Variants in CLCN3 observed in about 807,000 individuals in gnomAD.
CLCN3 encodes the protein Cl-/H+ antiporter 3.
A neutral mutation model predicts 83.4 loss-of-function variants in CLCN3; 16 were observed. The observed-to-expected ratio is 0.19, with a 90% CI of 0.13 to 0.29. The LOEUF (loss-of-function observed/expected upper bound fraction) is 0.29, where lower values mean the gene tolerates loss of function less well. Ranked by LOEUF, CLCN3 falls within the 10% of genes least tolerant of loss-of-function variation. CLCN3 has a pLI of 1.00. For missense variants in CLCN3, 544 were observed against 1,006.0 expected, an observed-to-expected ratio of 0.54 and a Z score of 6.21; for synonymous variants, 322 against 346.2, an observed-to-expected ratio of 0.93 and a Z score of 0.78.
In CLCN3 at chr4:169,704,031, A is replaced by G. The variant is rs768722953; in HGVS notation, c.1597A>G (p.Ile533Val). Reference protein sequence around the residue: ...PSGLFIPSMAIGAIAGRIVGI... With the variant: ...PSGLFIPSMAVGAIAGRIVGI... Reference sequence around the variant, plus strand: ...AGGCTTGTTCATCCCCAGCATGGCCATTGGAGCGATCGCAGGAAGGATTGT... The same window carrying G: ...AGGCTTGTTCATCCCCAGCATGGCCGTTGGAGCGATCGCAGGAAGGATTGT... Residue 533 changes from isoleucine (I) to valine (V), a missense_variant, in exon 10 of 13, where the codon ATT (isoleucine) becomes GTT (valine). By Grantham distance (29) the Ile-to-Val change is conservative (BLOSUM62 3). Transcript: ENST00000513761. 4 of 1,613,902 alleles carry G rather than the reference A, an allele frequency of 2.5e-6. No homozygotes were observed. Among genetic ancestry groups the G allele is most frequent in the Non-Finnish European group, 3.4e-6 (4 of 1,179,884 alleles).
intron 1 of CLCN3, among the ~76,000 whole-genome samples, chr4:169,625,620 T>C (rs1773215272): frequency 6.6e-6 from 1 of 152,180 alleles, no homozygotes. Flanking sequence ...AACACGCTGG[T>C]CTTGAGTTCT....
At chr4:169,676,650 ATTTTT>A (rs557077180) in intron 2 of CLCN3, among the ~76,000 whole-genome samples, 2 of 128,250 alleles carry the variant, frequency 1.6e-5, no homozygotes, top group African/African-American at 3.0e-5. Flanking sequence ...CATGCCCAGC[ATTTTT>A]TTTTTTTTTT....
chr4:169,672,220 T>TAGATA (rs1553968499), intron 2 of CLCN3, among the ~76,000 whole-genome samples: 5,704 of 145,582 alleles, frequency 0.039, 163 homozygotes, highest in African/African-American at 0.081. Context: ...TCAAAATAAA[T>TAGATA]GATAGATAGA....
At chr4:169,625,069 G>C (rs1405858406) in intron 1 of CLCN3, among the ~76,000 whole-genome samples, 3 of 152,194 alleles carry the variant, frequency 2.0e-5, no homozygotes, top group Non-Finnish European at 4.4e-5. Flanking sequence ...GGAATTACAG[G>C]TGTGAGCCAC....
chr4:169,653,783 CAT>C (rs763881615), intron 2 of CLCN3, among the ~76,000 whole-genome samples: 2 of 151,960 alleles, frequency 1.3e-5, no homozygotes, highest in Non-Finnish European at 2.9e-5. Flanking sequence ...AGGCGTGTCA[CAT>C]GGTGAGAGAG....
At chr4:169,648,121 T>C (rs1465356854) in intron 2 of CLCN3, among the ~76,000 whole-genome samples, 1 of 152,180 alleles carries the variant, frequency 6.6e-6, no homozygotes, top group Admixed American at 6.5e-5. Flanking sequence ...GGAGACAAGA[T>C]AGCTAAATGC....
intron 3 of CLCN3, among the ~76,000 whole-genome samples, chr4:169,686,503 G>A (rs1322892539): frequency 1.3e-5 from 2 of 150,742 alleles, no homozygotes; most frequent in African/African-American, 4.9e-5. Context: ...TGCCACCTCC[G>A]CCTCCCGGTT....
At chr4:169,711,078 G>A (rs750636988) in intron 11 of CLCN3, among the ~76,000 whole-genome samples, 5 of 152,076 alleles carry the variant, frequency 3.3e-5, no homozygotes, top group Admixed American at 6.6e-5. Flanking sequence ...GTTTTAGAGC[G>A]TTATGAATTT....
intron 12 of CLCN3, chr4:169,717,859 G>A (rs1218829404): frequency 2.2e-5 from 35 of 1,609,934 alleles, no homozygotes; most frequent in Non-Finnish European, 2.6e-5. Context: ...GCAGCACGTC[G>A]AACCCTTGGT....
Position 169,712,948 on chromosome 4 carries a change from G to A in CLCN3, c.2150-131G>A, listed in dbSNP as rs1280717093. 4.6e-6 allele frequency: 3 copies of A among 654,608 alleles called. No homozygotes were observed. In the African/African-American group the frequency reaches 5.5e-5, roughly 12 times the overall value. The allele number at this position is 654,608 out of a possible 1,614,324, so 40.5% of individuals were successfully genotyped here. ...TTCAGTTGACTCCTTTCTTGGTTAAGGAGAAGATAGGAAAAAATGAAGGGA... is the reference window on the plus strand; with the variant it reads ...TTCAGTTGACTCCTTTCTTGGTTAAAGAGAAGATAGGAAAAAATGAAGGGA... On this transcript the variant is annotated intron_variant, in intron 11 of 12. Transcript: ENST00000513761.
chr4:169,713,415 T>C, intron 12 of CLCN3, 120 bp downstream of exon 12: 1 of 702,856 alleles, frequency 1.4e-6, no homozygotes, highest in Non-Finnish European at 2.5e-6. Context: ...GTCTGTCCTA[T>C]GGTATAGTCA....
At chr4:169,636,134 C>CCA in intron 2 of CLCN3, 46 bp downstream of exon 2, 4 of 1,507,588 alleles carry the variant, frequency 2.7e-6, no homozygotes, top group Non-Finnish European at 3.6e-6. Flanking sequence ...TGAATATCCA[C>CCA]TAATAAATAT....
chr4:169,669,280 A>G (rs1731369815), intron 2 of CLCN3, among the ~76,000 whole-genome samples: 1 of 152,206 alleles, frequency 6.6e-6, no homozygotes, highest in African/African-American at 2.4e-5. Context: ...GAGCAGATAC[A>G]TATATGTTAG....
At chr4:169,668,891 G>A (rs1012444795) in intron 2 of CLCN3, among the ~76,000 whole-genome samples, 1 of 152,126 alleles carries the variant, frequency 6.6e-6, no homozygotes, top group Non-Finnish European at 1.5e-5. Context: ...TTAACACTGT[G>A]CTCAAGATTT....
intron 1 of CLCN3, among the ~76,000 whole-genome samples, chr4:169,633,307 A>G (rs1773426188): frequency 6.6e-6 from 1 of 152,190 alleles, no homozygotes; most frequent in East Asian, 1.9e-4. Context: ...CACCACACCC[A>G]GCTTATCTCT....
At chr4:169,714,570 G>A (rs1196918304) in intron 12 of CLCN3, among the ~76,000 whole-genome samples, 1 of 152,000 alleles carries the variant, frequency 6.6e-6, no homozygotes, top group Admixed American at 6.6e-5. Flanking sequence ...TTAAAACCCA[G>A]CCTCTTGCTA....
intron 6 of CLCN3, 50 bp downstream of exon 6, chr4:169,690,702 T>C (rs772414083): frequency 2.3e-5 from 35 of 1,541,610 alleles, no homozygotes; most frequent in Non-Finnish European, 2.9e-5. Flanking sequence ...GATGCTTATC[T>C]TTTTGACCTT....
At chr4:169,700,166 T>C (rs1342218528) in intron 9 of CLCN3, among the ~76,000 whole-genome samples, 1 of 152,212 alleles carries the variant, frequency 6.6e-6, no homozygotes, top group Non-Finnish European at 1.5e-5. Flanking sequence ...TTTATCCTTT[T>C]AATGATCCTA....
At chr4:169,661,647 A>G (rs1020890801) in intron 2 of CLCN3, among the ~76,000 whole-genome samples, 7 of 152,134 alleles carry the variant, frequency 4.6e-5, no homozygotes, top group Admixed American at 1.3e-4. Flanking sequence ...ATCATGTTAC[A>G]TACATTGTGC....
Sources: allele counts gnomAD v4.1 joint callset (sites outside exome capture counted in the v4.1 genomes callset), GRCh38; gene constraint gnomAD v4.1.1; transcripts MANE v1.5; gene names NCBI Gene and HGNC (gene_info 2026-07-23, HGNC 2026-07-21).